The following MIA3 variants were observed in gnomAD, a reference collection of about 807,000 sequenced individuals.
MIA3 encodes the protein MIA SH3 domain ER export factor 3, also known as transport and Golgi organization protein 1 homolog.
A neutral mutation model predicts 192.4 loss-of-function variants in MIA3; 90 were observed. That is an observed-to-expected ratio of 0.47 (90% CI 0.39 to 0.56). The LOEUF (loss-of-function observed/expected upper bound fraction) is 0.56, where lower values mean the gene tolerates loss of function less well. MIA3 is among the 20% of genes least tolerant of loss of function. The pLI is 0.00. For synonymous variants in MIA3, 740 were observed against 792.8 expected (o/e 0.93, Z 1.12); for missense variants, 2,123 against 2,269.4 (o/e 0.94, Z 1.31).
rs1468174480 is a variant in MIA3 at position 222,655,714 on chromosome 1, CT to C, written c.4607+926del. The stretch of plus-strand genomic sequence containing the variant: ...CAGAGAGACATTCCTCATTTCATTA[CT>C]TTTTAAAAAAGAGCACTTCTCTGCC... On this transcript the variant is annotated intron_variant, in intron 18 of 27. Coordinates refer to ENST00000344922, the MANE Select transcript of MIA3 (RefSeq NM_198551.4). Among the ~76,000 whole-genome samples, 6 of 152,242 alleles carry C rather than the reference CT, an allele frequency of 3.9e-5. No homozygotes were observed. The East Asian group carries it at 1.2e-3, about 29-fold the overall frequency.
Position 222,658,715 on chromosome 1 carries a change from A to G in MIA3, c.4608-7A>G. On this transcript the variant is annotated splice_polypyrimidine_tract_variant and splice_region_variant and intron_variant, in intron 18 of 27. Coordinates refer to ENST00000344922, the MANE Select transcript of MIA3 (RefSeq NM_198551.4). Reference sequence around the variant, plus strand: ...AACACTTTCATTGACAACCAGTTTTATCTTAGGAAACTGAGTCAAGAAGAG... The same window carrying G: ...AACACTTTCATTGACAACCAGTTTTGTCTTAGGAAACTGAGTCAAGAAGAG... 6.3e-7 allele frequency: 1 copy of G among 1,598,384 alleles called. No individual in the cohort carries two copies. The highest frequency in any genetic ancestry group is 2.2e-5 in the East Asian group (1 of 44,550).
At position 222,633,220 on chromosome 1, in the gene MIA3, T is replaced by C. The variant is rs776751579; in HGVS notation, c.3448T>C (p.Tyr1150His). The C allele has an allele frequency of 6.2e-7, 1 of 1,610,224 alleles. No individual in the cohort carries two copies. Among genetic ancestry groups the C allele is most frequent in the Non-Finnish European group, 8.5e-7 (1 of 1,178,836 alleles). Residue 1150 changes from tyrosine to histidine, a missense_variant, in exon 6 of 28, where the codon TAT (tyrosine) becomes CAT (histidine). By Grantham distance (83) the Tyr-to-His change is moderately conservative. Transcript: ENST00000344922. ...TPLENAILLI[Y>H]SFMFYLTKSL... ...TTTGGAAAACGCAATCCTTCTAATA[T>C]ATTCATTCATGTTTTATTTAACTAA...
chr1:222,654,725 C>CA lies in MIA3; in HGVS notation c.4543dup (p.Thr1515AsnfsTer11). On this transcript the variant is annotated frameshift_variant, in exon 18 of 28. Coordinates refer to ENST00000344922, the MANE Select transcript of MIA3 (RefSeq NM_198551.4). LOFTEE classifies it high-confidence loss of function. ...CCAAAGCTGGACTGGAAGATGAATGCAAAACCTTGAGGCAGAAAGTGGAGA... is the reference window on the plus strand; with the variant it reads ...CCAAAGCTGGACTGGAAGATGAATGCAAAAACCTTGAGGCAGAAAGTGGAGA... The CA allele has an allele frequency of 6.2e-7, 1 of 1,614,094 alleles. No homozygotes were observed. The highest frequency in any genetic ancestry group is 8.5e-7 in the Non-Finnish European group (1 of 1,179,964).
Position 222,660,040 on chromosome 1 carries a change from GTT to G in MIA3, c.4975+39_4975+40del, listed in dbSNP as rs770911916. ...GCTACCTTGTAAAGGGCAACAATCT[GTT>G]TTTTGATGTAAAATGTATATAAGTG... On this transcript the variant is annotated intron_variant, in intron 23 of 27. Coordinates refer to ENST00000344922, the MANE Select transcript of MIA3 (RefSeq NM_198551.4). The G allele has an allele frequency of 3.0e-5, 47 of 1,590,834 alleles. No individual in the cohort carries two copies. In the African/African-American group the frequency reaches 6.1e-4, roughly 21 times the overall value.
chr1:222,627,062 A>AG (rs2124835647), intron 3 of MIA3, among the ~76,000 whole-genome samples: 1 of 152,370 alleles, frequency 6.6e-6, no homozygotes, highest in Admixed American at 6.5e-5. Flanking sequence ...CAAAATTGAG[A>AG]GACCCAGGAG....
chr1:222,620,712 T>C (rs1265667901), intron 1 of MIA3, among the ~76,000 whole-genome samples: 1 of 152,250 alleles, frequency 6.6e-6, no homozygotes, highest in African/African-American at 2.4e-5. Flanking sequence ...CTGGGTACTC[T>C]AGTTCCCTAT....
Position 222,665,461 on chromosome 1 carries a change from C to A in MIA3, c.5566C>A (p.Pro1856Thr). The change falls in exon 28 of 28, where the codon CCT becomes ACT. Residue 1856 changes from proline (P) to threonine (T), a missense_variant. By Grantham distance (38) the Pro-to-Thr change is conservative. This residue lies in a region of MIA3 where 762 missense variants were observed against 856.4 expected (regional missense o/e 0.89). Transcript: ENST00000344922. The part of the protein sequence containing the change: ...GSLGPREYFI[P>T]GTRLPPPTHG... Reference sequence around the variant, plus strand: ...ACTTGGCCCAAGAGAGTACTTTATTCCTGGTACCCGATTACCACCCCCAAC... The same window carrying A: ...ACTTGGCCCAAGAGAGTACTTTATTACTGGTACCCGATTACCACCCCCAAC... 1 of 1,613,998 alleles carries A rather than the reference C, an allele frequency of 6.2e-7. No individual in the cohort carries two copies. Among genetic ancestry groups the A allele is most frequent in the Non-Finnish European group, 8.5e-7 (1 of 1,180,004 alleles).
In MIA3 at chr1:222,662,037, C is replaced by CT. The variant is rs1479904051; in HGVS notation, c.5114-18dup. ...CTTCCAAAAAATACATATAAGGACT[C>CT]TGTTATTTCTTTCTCAAGGATCAGT... On this transcript the variant is annotated intron_variant, in intron 24 of 27. Transcript: ENST00000344922. 3 of 1,604,252 alleles carry CT rather than the reference C, an allele frequency of 1.9e-6. No individual in the cohort carries two copies. Among genetic ancestry groups the CT allele is most frequent in the East Asian group, 2.2e-5 (1 of 44,832 alleles).
chr1:222,621,020 T>G (rs184980664), intron 1 of MIA3, 139 bp from the exon 2 acceptor site: 141 of 623,104 alleles, frequency 2.3e-4, no homozygotes, highest in Non-Finnish European at 2.9e-4. Flanking sequence ...TTTGAGCATA[T>G]GAAAGAAATT....
chr1:222,643,611 T>C (rs1395566988), intron 6 of MIA3, among the ~76,000 whole-genome samples: 2 of 152,220 alleles, frequency 1.3e-5, no homozygotes, highest in Non-Finnish European at 1.5e-5. Flanking sequence ...CTTCAACTTT[T>C]GGAACGTGAT....
chr1:222,663,815 T>G (rs990956300), intron 26 of MIA3, among the ~76,000 whole-genome samples, 183 bp from the exon 27 acceptor site: 2 of 152,246 alleles, frequency 1.3e-5, no homozygotes, highest in Non-Finnish European at 2.9e-5. Context: ...TCCTGTGGCA[T>G]ACTTTTAACC....
intron 6 of MIA3, among the ~76,000 whole-genome samples, chr1:222,640,730 G>A (rs971117764): frequency 3.3e-5 from 5 of 152,124 alleles, no homozygotes; most frequent in Non-Finnish European, 7.4e-5. Context: ...TCAAAAGTAT[G>A]ATTCATAAAG....
At position 222,664,284 on chromosome 1, in the gene MIA3, C is replaced by T. The variant is rs191078039; in HGVS notation, c.5413+136C>T. The T allele has an allele frequency of 5.4e-5, 49 of 902,960 alleles. No individual in the cohort carries two copies. In the Middle Eastern group the frequency reaches 1.0e-3, roughly 18 times the overall value. 55.9% of individuals were successfully genotyped at this position (902,960 alleles called of 1,614,324 possible). A position where few individuals can be genotyped will look rare whatever the true frequency, so the allele number is the denominator to read the frequency against. On this transcript the variant is annotated intron_variant, in intron 27 of 27. Transcript: ENST00000344922. ...TGATTGAGTACACCGTAACTTTTCC[C>T]CAAGTTTCTTCAGACACAAAGGGTG... is the stretch of plus-strand genomic sequence containing the variant.
Position 222,665,472 on chromosome 1 carries a change from A to T in MIA3, c.5577A>T (p.Arg1859=). The T allele has an allele frequency of 6.2e-7, 1 of 1,613,854 alleles. No homozygotes were observed. The highest frequency in any genetic ancestry group is 8.5e-7 in the Non-Finnish European group (1 of 1,179,964). The part of the protein sequence containing the change: ...GPREYFIPGT[R]LPPPTHGPQE... ...GAGAGTACTTTATTCCTGGTACCCGATTACCACCCCCAACCCATGGTCCCC... is the reference window on the plus strand; with the variant it reads ...GAGAGTACTTTATTCCTGGTACCCGTTTACCACCCCCAACCCATGGTCCCC... Residue 1859 remains arginine, a synonymous_variant, in exon 28 of 28, where the codon CGA becomes CGT. Coordinates refer to ENST00000344922, the MANE Select transcript of MIA3 (RefSeq NM_198551.4).
chr1:222,621,752 G>A (rs1187787003), intron 2 of MIA3, among the ~76,000 whole-genome samples: 1 of 151,596 alleles, frequency 6.6e-6, no homozygotes, highest in Non-Finnish European at 1.5e-5. Flanking sequence ...CTAATCATCT[G>A]TGCTATTATA....
Position 222,659,943 on chromosome 1 carries a change from G to A in MIA3, c.4912G>A (p.Glu1638Lys). The A allele has an allele frequency of 6.2e-7, 1 of 1,613,836 alleles. No homozygotes were observed. Reference protein sequence around the residue: ...ELTQKMAMLQEEPVIVKPMPG... With the variant: ...ELTQKMAMLQKEPVIVKPMPG... ...AACACAAAAGATGGCAATGCTGCAA[G>A]AAGAACCTGTGATTGTAAAACCAAT... Residue 1638 changes from glutamate (E) to lysine (K), a missense_variant, in exon 23 of 28, where the codon GAA (glutamate) becomes AAA (lysine). Glu to Lys is a moderately conservative substitution (Grantham distance 56). This residue lies in a region of MIA3 where 762 missense variants were observed against 856.4 expected (regional missense o/e 0.89). Transcript: ENST00000344922.
At chr1:222,641,771 T>C (rs1336016721) in intron 6 of MIA3, 5 of 559,150 alleles carry the variant, frequency 8.9e-6, no homozygotes, top group Non-Finnish European at 1.8e-5. Context: ...AGCTGGGCAA[T>C]GGAGGTGGAC....
rs200686525 is a variant in MIA3, at chr1:222,654,401, A to G, written c.4390A>G (p.Ile1464Val). 2.3e-5 allele frequency: 37 copies of G among 1,613,836 alleles called. No homozygotes were observed. In the East Asian group the frequency reaches 6.2e-4, roughly 27 times the overall value. The change falls in exon 17 of 28, where the codon ATA becomes GTA. Residue 1464 changes from isoleucine to valine, a missense_variant. Physicochemically the swap from Ile to Val is conservative, Grantham distance 29. This residue lies in a region of MIA3 where 762 missense variants were observed against 856.4 expected (regional missense o/e 0.89). Coordinates refer to ENST00000344922, the MANE Select transcript of MIA3 (RefSeq NM_198551.4). ...CTGCAATTTTTAGACACAGACTGCAATATCGGTAGTTGAAGAGGATCTAAA... is the reference window on the plus strand; with the variant it reads ...CTGCAATTTTTAGACACAGACTGCAGTATCGGTAGTTGAAGAGGATCTAAA... The part of the protein sequence containing the change: ...MMDVSRTQTA[I>V]SVVEEDLKLL...
chr1:222,651,388 T>C (rs1390849785), intron 11 of MIA3, among the ~76,000 whole-genome samples: 1 of 151,936 alleles, frequency 6.6e-6, no homozygotes, highest in Non-Finnish European at 1.5e-5. Flanking sequence ...TTTTTTTTTT[T>C]TAAACTTTTT....
Sources: allele counts gnomAD v4.1 joint callset (sites outside exome capture counted in the v4.1 genomes callset), GRCh38; gene constraint gnomAD v4.1.1; regional missense constraint gnomAD v4.1.1; transcripts MANE v1.5; gene names NCBI Gene and HGNC (gene_info 2026-07-23, HGNC 2026-07-21).